PCCA: variants seen among roughly 807,000 people sequenced by gnomAD.
PCCA encodes propionyl-CoA carboxylase alpha chain, mitochondrial.
A neutral mutation model predicts 101.3 loss-of-function variants in PCCA; 74 were observed. The ratio of observed to expected loss-of-function variants is 0.73; its 90% confidence interval spans 0.61 to 0.89. The LOEUF (loss-of-function observed/expected upper bound fraction) is 0.89. PCCA is among the 40% of genes least tolerant of loss of function. The pLI is 0.00. For synonymous variants in PCCA, 294 were observed against 313.6 expected (o/e 0.94, Z 0.66); for missense variants, 891 against 907.0 (o/e 0.98, Z 0.23).
chr13:100,201,761 G>A (rs528502933), intron 6 of PCCA, among the ~76,000 whole-genome samples: 12 of 150,660 alleles, frequency 8.0e-5, no homozygotes, highest in South Asian at 4.2e-4. Flanking sequence ...GGAGGCTGAG[G>A]CAGGAGAATC....
At chr13:100,149,232 T>G (rs1240578759) in intron 4 of PCCA, 1 of 151,872 alleles carries the variant, frequency 6.6e-6, no homozygotes, top group Non-Finnish European at 1.5e-5. Flanking sequence ...CTTTTAGTCT[T>G]TCAGGGTAAT....
chr13:100,528,640 T>C (rs985987018), intron 23 of PCCA, among the ~76,000 whole-genome samples: 1 of 152,198 alleles, frequency 6.6e-6, no homozygotes, highest in Non-Finnish European at 1.5e-5. Context: ...GGCCCAGGTG[T>C]ATGCCAGGGG....
chr13:100,378,763 C>G (rs2152825452), intron 19 of PCCA, among the ~76,000 whole-genome samples: 1 of 152,062 alleles, frequency 6.6e-6, no homozygotes, highest in Non-Finnish European at 1.5e-5. Flanking sequence ...ATTCTTCATT[C>G]CAGAATGTGT....
intron 18 of PCCA, among the ~76,000 whole-genome samples, chr13:100,345,025 T>A (rs1474840403): frequency 6.6e-6 from 1 of 152,234 alleles, no homozygotes; most frequent in Non-Finnish European, 1.5e-5. Flanking sequence ...TCTGATTCAC[T>A]GACCTGGCCA....
At chr13:100,466,836 C>T (rs999022724) in intron 21 of PCCA, among the ~76,000 whole-genome samples, 16 of 151,982 alleles carry the variant, frequency 1.1e-4, no homozygotes, top group Non-Finnish European at 4.4e-5. Flanking sequence ...CCAGCCTGGG[C>T]GATAGAGGGA....
intron 18 of PCCA, among the ~76,000 whole-genome samples, chr13:100,341,427 G>A (rs191685305): frequency 6.6e-6 from 1 of 152,210 alleles, no homozygotes; most frequent in African/African-American, 2.4e-5. Context: ...ATAGTTGTGC[G>A]GTCTAGTATG....
At chr13:100,381,078 A>C (rs1177145053) in intron 19 of PCCA, among the ~76,000 whole-genome samples, 1 of 152,186 alleles carries the variant, frequency 6.6e-6, no homozygotes, top group African/African-American at 2.4e-5. Context: ...TACTTTAAAA[A>C]GTCAGGTAAT....
chr13:100,503,228 C>T (rs544228310), intron 21 of PCCA, among the ~76,000 whole-genome samples: 136 of 152,314 alleles, frequency 8.9e-4, no homozygotes, highest in African/African-American at 2.8e-3. Context: ...CAGTGGCTCA[C>T]GCCTGTAATC....
In PCCA at chr13:100,269,352, A is replaced by G. The variant is rs568766678; in HGVS notation, c.914+569A>G. Among the ~76,000 whole-genome samples the G allele has an allele frequency of 5.3e-5, 8 of 152,314 alleles. No individual in the cohort carries two copies. In the South Asian group the frequency reaches 1.7e-3, roughly 32 times the overall value. On this transcript the variant is annotated intron_variant, in intron 11 of 23. Coordinates refer to ENST00000376285, the MANE Select transcript of PCCA (RefSeq NM_000282.4). ...GTAGACAGCCAACTGTGACTTCTGC[A>G]GGCTTCTAGGAAGTATGGAACCTGA...
At chr13:100,093,214 G>A (rs1265901974) in intron 1 of PCCA, among the ~76,000 whole-genome samples, 1 of 152,210 alleles carries the variant, frequency 6.6e-6, no homozygotes, top group African/African-American at 2.4e-5. Flanking sequence ...GCCATGCTGA[G>A]GTGCTGGGTA....
chr13:100,326,839 T>C (rs2152726320), intron 16 of PCCA, among the ~76,000 whole-genome samples: 1 of 152,286 alleles, frequency 6.6e-6, no homozygotes, highest in African/African-American at 2.4e-5. Context: ...ATATATATAA[T>C]ATATAAAACT....
chr13:100,485,227 G>C (rs1163479770), intron 21 of PCCA, among the ~76,000 whole-genome samples: 1 of 152,182 alleles, frequency 6.6e-6, no homozygotes, highest in Non-Finnish European at 1.5e-5. Context: ...GATTGGGCCT[G>C]TGTTTCTCTA....
rs188651868 is a variant in PCCA, at chr13:100,421,724, G to A, written c.1747-3909G>A. Among the ~76,000 whole-genome samples, 233 of 151,866 alleles carry A rather than the reference G, an allele frequency of 1.5e-3. 2 individuals carry two copies. The highest frequency in any genetic ancestry group is 5.3e-3 in the African/African-American group (220 of 41,396). ...TTTTGAGATGGAGTCCCGCTCTGTC[G>A]TGCAGGCTGGAGTGTGGTGGCGCGA... On this transcript the variant is annotated intron_variant, in intron 19 of 23. Transcript: ENST00000376285.
intron 21 of PCCA, among the ~76,000 whole-genome samples, chr13:100,481,889 G>A (rs1439172862): frequency 6.6e-6 from 1 of 152,200 alleles, no homozygotes; most frequent in Admixed American, 6.5e-5. Flanking sequence ...AAAGTTTACA[G>A]TTCCTGGGGT....
intron 4 of PCCA, among the ~76,000 whole-genome samples, chr13:100,114,608 A>T (rs1313062290): frequency 1.3e-5 from 2 of 152,220 alleles, no homozygotes; most frequent in Admixed American, 6.5e-5. Flanking sequence ...AAGGAAAATA[A>T]AAAGGGGCAA....
At chr13:100,096,203 A>G (rs972505024) in intron 1 of PCCA, among the ~76,000 whole-genome samples, 2 of 151,932 alleles carry the variant, frequency 1.3e-5, no homozygotes, top group Admixed American at 6.6e-5. Context: ...GAGCAACTGT[A>G]TTGGTGTCAT....
At chr13:100,236,015 G>A (rs1397313706) in intron 8 of PCCA, 137 bp downstream of exon 8, 2 of 664,794 alleles carry the variant, frequency 3.0e-6, no homozygotes, top group African/African-American at 3.6e-5. Context: ...TGCTCTGGAA[G>A]AATGTATCAG....
At chr13:100,170,294 C>T (rs1003059941) in intron 6 of PCCA, among the ~76,000 whole-genome samples, 3 of 152,068 alleles carry the variant, frequency 2.0e-5, no homozygotes, top group Admixed American at 1.3e-4. Flanking sequence ...GTACATTGCT[C>T]GAGGATTTTT....
At chr13:100,253,377 C>T (rs940978388) in intron 8 of PCCA, among the ~76,000 whole-genome samples, 1 of 152,144 alleles carries the variant, frequency 6.6e-6, no homozygotes, top group Non-Finnish European at 1.5e-5. Flanking sequence ...TTGTAGCCTG[C>T]AGAGAGCCAG....
Sources: gnomAD v4.1 joint callset for allele counts (sites outside exome capture counted in the v4.1 genomes callset) on GRCh38, gnomAD v4.1.1 for gene constraint, MANE v1.5 for transcripts, NCBI Gene and HGNC (gene_info 2026-07-23, HGNC 2026-07-21) for gene names.